ADAMTSL1: variants seen among roughly 807,000 people sequenced by gnomAD.
ADAMTSL1 encodes ADAMTS-like protein 1.
A neutral mutation model predicts 201.8 loss-of-function variants in ADAMTSL1; 126 were observed. The observed-to-expected ratio is 0.62, with a 90% confidence interval of 0.54 to 0.72. The LOEUF is 0.72. Ranked by LOEUF, ADAMTSL1 falls within the 30% of genes least tolerant of loss-of-function variation. The pLI is 0.00. For missense variants in ADAMTSL1, 2,679 were observed against 2,277.8 expected (o/e 1.18, Z -3.59); for synonymous variants, 1,121 against 903.4 (o/e 1.24, Z -4.32).
intron 1 of ADAMTSL1, among the ~76,000 whole-genome samples, chr9:18,062,581 A>G (rs1249601314): frequency 1.3e-5 from 2 of 152,158 alleles, no homozygotes; most frequent in African/African-American, 2.4e-5. Context: ...AAAGAAGAAA[A>G]TTAGAAATAA....
chr9:18,369,665 G>C (rs1173712983), intron 2 of ADAMTSL1, among the ~76,000 whole-genome samples: 2 of 152,040 alleles, frequency 1.3e-5, no homozygotes, highest in Non-Finnish European at 2.9e-5. Context: ...GTATCAAAAA[G>C]ATACAATATT....
intron 1 of ADAMTSL1, among the ~76,000 whole-genome samples, chr9:18,100,860 A>T (rs1824483433): frequency 6.6e-6 from 1 of 152,138 alleles, no homozygotes. Flanking sequence ...TTTCCAGTAA[A>T]CACCTGTTGG....
intron 1 of ADAMTSL1, among the ~76,000 whole-genome samples, chr9:18,475,522 A>G (rs1175992581): frequency 1.3e-5 from 2 of 152,224 alleles, no homozygotes; most frequent in Non-Finnish European, 2.9e-5. Context: ...TGCAAGTGCT[A>G]TAAATATAGA....
intron 23 of ADAMTSL1, among the ~76,000 whole-genome samples, chr9:18,863,986 G>A (rs1481032492): frequency 6.6e-6 from 1 of 152,218 alleles, no homozygotes; most frequent in Non-Finnish European, 1.5e-5. Context: ...GTGAAAAATA[G>A]AGGATTGTAA....
intron 1 of ADAMTSL1, among the ~76,000 whole-genome samples, chr9:17,955,390 G>A (rs1827891154): frequency 6.6e-6 from 1 of 152,010 alleles, no homozygotes; most frequent in Admixed American, 6.6e-5. Context: ...TCCAAATTTA[G>A]GATTATAGTT....
chr9:18,698,824 T>A (rs943150625), intron 13 of ADAMTSL1, among the ~76,000 whole-genome samples: 4 of 152,198 alleles, frequency 2.6e-5, no homozygotes, highest in African/African-American at 9.7e-5. Flanking sequence ...AGGCCTGTGT[T>A]CTTAGAACCT....
chr9:18,262,003 T>G (rs536580996), intron 2 of ADAMTSL1, among the ~76,000 whole-genome samples: 1 of 152,190 alleles, frequency 6.6e-6, no homozygotes, highest in Non-Finnish European at 1.5e-5. Context: ...ACTTAAAACA[T>G]GCAATTACAA....
At chr9:18,399,280 CATATATATATATATATATAT>C (rs561622408) in intron 2 of ADAMTSL1, among the ~76,000 whole-genome samples, 753 of 31,022 alleles carry the variant, frequency 0.024, 38 homozygotes, top group East Asian at 0.07. Context: ...GTCTGCTTTA[CATATATATATATATATATAT>C]ATATATATAT....
At chr9:18,615,430 C>T (rs1411721052) in intron 4 of ADAMTSL1, among the ~76,000 whole-genome samples, 3 of 152,140 alleles carry the variant, frequency 2.0e-5, no homozygotes, top group African/African-American at 7.2e-5. Flanking sequence ...ATCGTTCATC[C>T]CTGTGCGTAA....
At chr9:18,562,163 T>C (rs547207154) in intron 3 of ADAMTSL1, among the ~76,000 whole-genome samples, 1 of 152,180 alleles carries the variant, frequency 6.6e-6, no homozygotes, top group Admixed American at 6.5e-5. Flanking sequence ...CTGGTACCGG[T>C]TTTTTCTTTC....
chr9:18,639,215 G>T, intron 6 of ADAMTSL1, 39 bp from the exon 7 acceptor site: 1 of 1,607,600 alleles, frequency 6.2e-7, no homozygotes, highest in South Asian at 1.1e-5. Flanking sequence ...GTTGCCCTAG[G>T]AACATCTTTC....
chr9:18,377,923 C>G (rs372467382), intron 2 of ADAMTSL1, among the ~76,000 whole-genome samples: 1 of 152,018 alleles, frequency 6.6e-6, no homozygotes, highest in African/African-American at 2.4e-5. Flanking sequence ...TAGACTCCCT[C>G]CCCCTCAATT....
intron 1 of ADAMTSL1, among the ~76,000 whole-genome samples, chr9:18,012,180 C>T (rs1427445512): frequency 1.3e-5 from 2 of 152,054 alleles, no homozygotes; most frequent in African/African-American, 2.4e-5. Flanking sequence ...CCCAAGAACT[C>T]TGACTTGCAG....
At chr9:18,329,350 C>A (rs1834944342) in intron 2 of ADAMTSL1, among the ~76,000 whole-genome samples, 2 of 152,060 alleles carry the variant, frequency 1.3e-5, no homozygotes, top group African/African-American at 4.8e-5. Context: ...GACTAAAATA[C>A]CTTCACACTC....
chr9:18,056,420 A>C lies in ADAMTSL1; in HGVS notation c.88-107442A>C, dbSNP rs190195965. On this transcript the variant is annotated intron_variant, in intron 1 of 29. Coordinates refer to the ADAMTSL1 transcript ENST00000680146. ...AGTTATGGCTCAACCGGGGCTCTGCACAGCAGCAGCTGAGAAGTTAATGTT... is the reference window on the plus strand; with the variant it reads ...AGTTATGGCTCAACCGGGGCTCTGCCCAGCAGCAGCTGAGAAGTTAATGTT... 4.6e-4 allele frequency among the ~76,000 whole-genome samples: 70 copies of C among 152,216 alleles called. 1 individual carries two copies. In the East Asian group the frequency reaches 0.013, roughly 27 times the overall value.
In ADAMTSL1 at chr9:18,023,845, A is replaced by G. The variant is rs1586909915; in HGVS notation, c.87+116923A>G. On this transcript the variant is annotated intron_variant, in intron 1 of 29. Coordinates refer to the ADAMTSL1 transcript ENST00000680146. ...TGATCTTGGCAAAATATAGCAATGC[A>G]GAGAATTCAGGAGAAAATAGTTTGA... Among the ~76,000 whole-genome samples, 3 of 152,310 alleles carry G rather than the reference A, an allele frequency of 2.0e-5. No individual in the cohort carries two copies. The South Asian group carries it at 6.2e-4, about 32-fold the overall frequency.
chr9:18,563,032 C>T (rs1821631399), intron 3 of ADAMTSL1, among the ~76,000 whole-genome samples: 1 of 152,218 alleles, frequency 6.6e-6, no homozygotes. Flanking sequence ...ACATCAAACT[C>T]ATTCCCCATC....
chr9:18,380,438 G>T (rs1226191853), intron 2 of ADAMTSL1, among the ~76,000 whole-genome samples: 3 of 152,122 alleles, frequency 2.0e-5, no homozygotes, highest in Admixed American at 6.6e-5. Context: ...TAAGGAATAG[G>T]TATATTTTAC....
chr9:18,532,331 C>G (rs1414693858), intron 2 of ADAMTSL1, among the ~76,000 whole-genome samples: 2 of 152,092 alleles, frequency 1.3e-5, no homozygotes, highest in African/African-American at 4.8e-5. Context: ...AGTTCATTCC[C>G]TTTAGTCTAG....
Sources: gnomAD v4.1 joint callset for allele counts (sites outside exome capture counted in the v4.1 genomes callset) on GRCh38, gnomAD v4.1.1 for gene constraint, MANE v1.5 for transcripts, NCBI Gene and HGNC (gene_info 2026-07-23, HGNC 2026-07-21) for gene names.